KLF13: variants seen among roughly 807,000 people sequenced by gnomAD.
KLF13 encodes Krueppel-like factor 13.
KLF13 carries 8 observed loss-of-function variants against 16.7 expected under a neutral mutation model. That is an observed-to-expected ratio of 0.48 (90% CI 0.28 to 0.87). The LOEUF is 0.87. Among genes scored for constraint, KLF13 ranks in the 40% least tolerant of loss-of-function variants. The pLI is 0.10. For synonymous variants in KLF13, 245 were observed against 208.4 expected (o/e 1.18, Z -1.51); for missense variants, 447 against 452.2 (o/e 0.99, Z 0.10).
chr15:31,365,631 C>G (rs1013300767), intron 1 of KLF13, among the ~76,000 whole-genome samples: 1 of 147,248 alleles, frequency 6.8e-6, no homozygotes, highest in Admixed American at 6.8e-5. Flanking sequence ...GCCCACTCAC[C>G]TGTGGGGGGT....
chr15:31,379,445 GA>G (rs112382077), downstream of KLF13, among the ~76,000 whole-genome samples: 309 of 142,830 alleles, frequency 2.2e-3, no homozygotes, highest in Middle Eastern at 7.3e-3. Flanking sequence ...ATATTGACAG[GA>G]AAAAAAAAAA....
chr15:31,435,290 G>A (rs897254172), intron 1 of KLF13: 3 of 152,280 alleles, frequency 2.0e-5, no homozygotes, highest in East Asian at 1.9e-4. Context: ...GAAGGGTCTC[G>A]CTAGGGTCAT....
chr15:31,420,695 CT>C (rs1165661443), intron 1 of KLF13: 29,214 of 261,198 alleles, frequency 0.11, 6 homozygotes, highest in South Asian at 0.19. Flanking sequence ...TTTTTTCTTT[CT>C]TTTTTTTTTT....
intron 1 of KLF13, among the ~76,000 whole-genome samples, chr15:31,337,507 G>A (rs1048747206): frequency 1.3e-5 from 2 of 152,056 alleles, no homozygotes; most frequent in East Asian, 3.9e-4. Context: ...TGACGGGTGC[G>A]TTCTGAGAAG....
At position 31,332,375 on chromosome 15, in the gene KLF13, C is replaced by G. The variant is rs187708813; in HGVS notation, c.577+4586C>G. ...AAAACAGTACCAGCAAAACCACTGTCACTCCCGCACGCCTGGTGGCTGGCT... is the reference window on the plus strand; with the variant it reads ...AAAACAGTACCAGCAAAACCACTGTGACTCCCGCACGCCTGGTGGCTGGCT... On this transcript the variant is annotated intron_variant, in intron 1 of 1. Transcript: ENST00000307145. Among the ~76,000 whole-genome samples the G allele has an allele frequency of 3.6e-3, 547 of 152,366 alleles. 11 individuals carry two copies. The highest frequency in any genetic ancestry group is 0.012 in the African/African-American group (514 of 41,572).
At chr15:31,343,494 CAAG>C (rs1418822619) in intron 1 of KLF13, among the ~76,000 whole-genome samples, 1 of 152,180 alleles carries the variant, frequency 6.6e-6, no homozygotes, top group East Asian at 1.9e-4. Context: ...AGGGAGAAGG[CAAG>C]GAGGCATGAG....
chr15:31,341,887 G>A (rs1420875563), intron 1 of KLF13, among the ~76,000 whole-genome samples: 1 of 152,184 alleles, frequency 6.6e-6, no homozygotes, highest in Non-Finnish European at 1.5e-5. Context: ...CAGACTGGCT[G>A]CAGAAAAGTG....
intron 1 of KLF13, among the ~76,000 whole-genome samples, chr15:31,350,681 A>G (rs1024124162): frequency 2.0e-5 from 3 of 152,222 alleles, no homozygotes; most frequent in Non-Finnish European, 4.4e-5. Flanking sequence ...TGGGACTTGC[A>G]CAAGCACTGG....
At chr15:31,406,017 T>C (rs1343806922), downstream of KLF13, among the ~76,000 whole-genome samples, 1 of 151,950 alleles carries the variant, frequency 6.6e-6, no homozygotes, top group Non-Finnish European at 1.5e-5. Flanking sequence ...AATCAGGGAA[T>C]CAAAAAAGTT....
At chr15:31,418,040 A>G (rs188730353) in intron 1 of KLF13, among the ~76,000 whole-genome samples, 11 of 152,330 alleles carry the variant, frequency 7.2e-5, no homozygotes, top group Admixed American at 2.0e-4. Flanking sequence ...TACTGTGCAA[A>G]CACTAACCAA....
At chr15:31,417,138 C>G (rs1205472414) in intron 1 of KLF13, among the ~76,000 whole-genome samples, 1 of 152,196 alleles carries the variant, frequency 6.6e-6, no homozygotes, top group African/African-American at 2.4e-5. Flanking sequence ...TCACAAGATG[C>G]TGACCCCTTG....
At chr15:31,432,880 C>T (rs945734258) in intron 1 of KLF13, among the ~76,000 whole-genome samples, 2 of 152,052 alleles carry the variant, frequency 1.3e-5, no homozygotes, top group South Asian at 2.1e-4. Flanking sequence ...TTTGGGAGGC[C>T]GAGGCAGGCG....
intron 1 of KLF13, among the ~76,000 whole-genome samples, chr15:31,348,160 C>T (rs1181428149): frequency 6.6e-6 from 1 of 152,214 alleles, no homozygotes; most frequent in Non-Finnish European, 1.5e-5. Flanking sequence ...CGCCACTCCT[C>T]CTCCCGTGGA....
At chr15:31,357,671 C>T (rs187479591) in intron 1 of KLF13, among the ~76,000 whole-genome samples, 97 of 152,278 alleles carry the variant, frequency 6.4e-4, no homozygotes, top group South Asian at 1.2e-3. Flanking sequence ...CCAGAGCTCC[C>T]TCCTGTGTAG....
At chr15:31,384,601 GA>G (rs1312253933) in intron 1 of KLF13, among the ~76,000 whole-genome samples, 1 of 152,170 alleles carries the variant, frequency 6.6e-6, no homozygotes, top group Non-Finnish European at 1.5e-5. Context: ...GTGAGGCTAA[GA>G]GCTTGCCAAA....
At chr15:31,336,555 T>C (rs1480004687) in intron 1 of KLF13, among the ~76,000 whole-genome samples, 4 of 152,198 alleles carry the variant, frequency 2.6e-5, no homozygotes, top group African/African-American at 9.7e-5. Context: ...TTTAACCCTT[T>C]TATTGTCTAA....
At chr15:31,371,491 G>A (rs918342501) in intron 1 of KLF13, among the ~76,000 whole-genome samples, 2 of 152,258 alleles carry the variant, frequency 1.3e-5, no homozygotes, top group African/African-American at 2.4e-5. Context: ...ACTCACCTAC[G>A]CTGACCCTCT....
At chr15:31,411,214 C>T (rs186837880) in intron 1 of KLF13, among the ~76,000 whole-genome samples, 1 of 152,052 alleles carries the variant, frequency 6.6e-6, no homozygotes, top group Non-Finnish European at 1.5e-5. Context: ...ATAGATGCAA[C>T]AATCATCAAT....
chr15:31,427,841 C>T (rs1361451058), intron 1 of KLF13, among the ~76,000 whole-genome samples: 1 of 152,060 alleles, frequency 6.6e-6, no homozygotes, highest in African/African-American at 2.4e-5. Flanking sequence ...AGGGGAAGTG[C>T]TACACTTTTA....
Sources: allele counts gnomAD v4.1 joint callset (sites outside exome capture counted in the v4.1 genomes callset), GRCh38; gene constraint gnomAD v4.1.1; transcripts MANE v1.5; gene names NCBI Gene and HGNC (gene_info 2026-07-23, HGNC 2026-07-21).